Variants in RGSL1 observed in about 807,000 individuals in gnomAD.
RGSL1 encodes the protein regulator of G protein signaling protein-like.
A neutral mutation model predicts 124.7 loss-of-function variants in RGSL1; 97 were observed. The ratio of observed to expected loss-of-function variants is 0.78; its 90% confidence interval spans 0.66 to 0.92. RGSL1 has a LOEUF of 0.92. RGSL1 is among the 40% of genes least tolerant of loss of function. The pLI, the probability that RGSL1 is intolerant of heterozygous loss-of-function variation, is 0.00. For synonymous variants in RGSL1, 424 were observed against 438.1 expected, an observed-to-expected ratio of 0.97 and a Z score of 0.40; for missense variants, 1,233 against 1,288.4, an observed-to-expected ratio of 0.96 and a Z score of 0.66.
chr1:182,477,720 C>T (rs1654405577), intron 6 of RGSL1, among the ~76,000 whole-genome samples: 2 of 152,218 alleles, frequency 1.3e-5, no homozygotes, highest in South Asian at 4.1e-4. Context: ...CAGCTTCACC[C>T]ACCCATAGAC....
chr1:182,526,354 A>C (rs1571655746), intron 10 of RGSL1, among the ~76,000 whole-genome samples: 1 of 152,156 alleles, frequency 6.6e-6, no homozygotes, highest in East Asian at 1.9e-4. Context: ...ATATTAGCAA[A>C]TCAAATCCAG....
At chr1:182,455,255 G>A (rs900204652) in intron 2 of RGSL1, among the ~76,000 whole-genome samples, 1 of 152,168 alleles carries the variant, frequency 6.6e-6, no homozygotes, top group African/African-American at 2.4e-5. Flanking sequence ...CAGGTAACTG[G>A]AAGCAGAAGG....
intron 14 of RGSL1, among the ~76,000 whole-genome samples, chr1:182,535,615 G>A (rs1659485125): frequency 6.6e-6 from 1 of 152,040 alleles, no homozygotes; most frequent in African/African-American, 2.4e-5. Context: ...CACCAAATAT[G>A]GCATAGTGCC....
chr1:182,451,849 C>T (rs1266152280), intron 1 of RGSL1, among the ~76,000 whole-genome samples: 1 of 151,544 alleles, frequency 6.6e-6, no homozygotes, highest in Non-Finnish European at 1.5e-5. Context: ...GGTGAGAGAG[C>T]ATAGAGGCCT....
At chr1:182,472,589 T>G (rs771867560) in intron 5 of RGSL1, 32 bp downstream of exon 5, 25 of 1,483,980 alleles carry the variant, frequency 1.7e-5, no homozygotes, top group Non-Finnish European at 2.1e-5. Flanking sequence ...TTTGGGGGGA[T>G]GCAACAAAAA....
chr1:182,477,428 G>A (rs1363881467), intron 6 of RGSL1, among the ~76,000 whole-genome samples: 1 of 152,130 alleles, frequency 6.6e-6, no homozygotes. Context: ...TTGCTCAACT[G>A]CAGTCACAGA....
chr1:182,484,674 C>T (rs1213554511), intron 6 of RGSL1, among the ~76,000 whole-genome samples: 1 of 152,206 alleles, frequency 6.6e-6, no homozygotes, highest in Admixed American at 6.5e-5. Flanking sequence ...CCCCTAGGGG[C>T]AGGGTGCAGG....
intron 4 of RGSL1, among the ~76,000 whole-genome samples, chr1:182,463,518 A>C (rs1653024750): frequency 6.6e-6 from 1 of 152,158 alleles, no homozygotes; most frequent in Admixed American, 6.5e-5. Context: ...TAATGATATC[A>C]GACAAAATAG....
At position 182,512,787 on chromosome 1, in the gene RGSL1, G is replaced by C. The variant is rs141422886; in HGVS notation, c.1826-9217G>C. On this transcript the variant is annotated intron_variant, in intron 9 of 21. Coordinates refer to ENST00000294854, the MANE Select transcript of RGSL1 (RefSeq NM_001137669.2). ...GGTGGCTCTCAGCAGAATGGATGCG[G>C]AGCTGAAAAAGGGATGGAGTGGGGA... is the stretch of plus-strand genomic sequence containing the variant. 6.5e-3 allele frequency among the ~76,000 whole-genome samples: 989 copies of C among 152,298 alleles called. 12 individuals are homozygous for C. The highest frequency in any genetic ancestry group is 0.022 in the African/African-American group (915 of 41,562).
At chr1:182,475,989 G>T in intron 6 of RGSL1, among the ~76,000 whole-genome samples, 1 of 152,176 alleles carries the variant, frequency 6.6e-6, no homozygotes, top group East Asian at 1.9e-4. Flanking sequence ...GAGTCACACA[G>T]AGAGTAAGTG....
intron 8 of RGSL1, 28 bp downstream of exon 8, chr1:182,489,230 A>C (rs1253978123): frequency 6.6e-7 from 1 of 1,516,094 alleles, no homozygotes; most frequent in East Asian, 2.5e-5. Flanking sequence ...AATTTTTTTG[A>C]CCTTTACATA....
rs539870162 is a variant in RGSL1 at position 182,533,311 on chromosome 1, T to G, written c.2494+520T>G. Reference sequence around the variant, plus strand: ...TAACTTGCTTCTTTTTTTTTTTTTTTTTGTTCAACAATGTATCTTGGACAT... The same window carrying G: ...TAACTTGCTTCTTTTTTTTTTTTTTGTTGTTCAACAATGTATCTTGGACAT... On this transcript the variant is annotated intron_variant, in intron 14 of 21. Coordinates refer to ENST00000294854, the MANE Select transcript of RGSL1 (RefSeq NM_001137669.2). Among the ~76,000 whole-genome samples, 3 of 151,984 alleles carry G rather than the reference T, an allele frequency of 2.0e-5. No homozygotes were observed. In the South Asian group the frequency reaches 6.2e-4, roughly 32 times the overall value.
Position 182,550,896 on chromosome 1 carries a change from C to T in RGSL1, c.2934-204C>T, listed in dbSNP as rs1023039849. On this transcript the variant is annotated intron_variant, in intron 17 of 21. Coordinates refer to ENST00000294854, the MANE Select transcript of RGSL1 (RefSeq NM_001137669.2). ...CAACAAACTGCCCATGCCAGGCCCGCGCTGGAGCCAGGTCTGGACAAAGAG... is the reference window on the plus strand; with the variant it reads ...CAACAAACTGCCCATGCCAGGCCCGTGCTGGAGCCAGGTCTGGACAAAGAG... The T allele has an allele frequency of 8.3e-5, 47 of 563,594 alleles. 1 individual carries two copies. Among genetic ancestry groups the T allele is most frequent in the South Asian group, 2.2e-4 (9 of 40,660 alleles). The allele number at this position is 563,594 out of a possible 1,614,324, so 34.9% of individuals were successfully genotyped here.
rs1656494586 is a variant in RGSL1 at position 182,502,791 on chromosome 1, GT to G, written c.1825+9666del. ...ATGTTTTGAGCTAAAGGAAATTAAT[GT>G]TTTAATATACGCATTTGTAGGTTTC... On this transcript the variant is annotated intron_variant, in intron 9 of 21. Coordinates refer to ENST00000294854, the MANE Select transcript of RGSL1 (RefSeq NM_001137669.2). Among the ~76,000 whole-genome samples the G allele has an allele frequency of 3.3e-5, 5 of 150,704 alleles. No homozygotes were observed. The South Asian group carries it at 1.0e-3, about 31-fold the overall frequency.
chr1:182,505,331 T>C (rs1656733306), intron 9 of RGSL1, among the ~76,000 whole-genome samples: 1 of 152,172 alleles, frequency 6.6e-6, no homozygotes, highest in Non-Finnish European at 1.5e-5. Context: ...CAACCTGCAT[T>C]ACAATATGGG....
rs751578397 is a variant in RGSL1 at position 182,488,346 on chromosome 1, C to T, written c.1493C>T (p.Thr498Met). ...DEEDYWFLLF[T>M]TQNRFISSRQ... is the part of the protein sequence containing the mutation. Reference sequence around the variant, plus strand: ...GAGGACTACTGGTTTCTCCTTTTTACGGTAGGAAGGACTTTGGGTTAGGAA... The same window carrying T: ...GAGGACTACTGGTTTCTCCTTTTTATGGTAGGAAGGACTTTGGGTTAGGAA... The change falls in exon 7 of 22, where the codon ACG becomes ATG. Residue 498 changes from threonine (T) to methionine (M), a missense_variant and splice_region_variant. Thr to Met is a moderately conservative substitution (Grantham distance 81). Transcript: ENST00000294854. The T allele has an allele frequency of 3.0e-5, 46 of 1,551,866 alleles. No individual in the cohort carries two copies. The highest frequency in any genetic ancestry group is 3.6e-5 in the Non-Finnish European group (41 of 1,146,934).
At chr1:182,532,911 A>AT (rs2102276112) in intron 14 of RGSL1, 120 bp downstream of exon 14, 1 of 1,127,388 alleles carries the variant, frequency 8.9e-7, no homozygotes, top group East Asian at 2.8e-5. Flanking sequence ...TAGCAAAAAA[A>AT]CCCAGGTCCT....
Position 182,488,322 on chromosome 1 carries a change from A to T in RGSL1, c.1469A>T (p.Glu490Val). ...SPWYDEFLDE[E>V]DYWFLLFTTQ... ...TGGTATGATGAGTTTCTAGATGAAG[A>T]GGACTACTGGTTTCTCCTTTTTACG... Residue 490 changes from glutamate to valine, a missense_variant, in exon 7 of 22, where the codon GAG (glutamate) becomes GTG (valine). Transcript: ENST00000294854. The T allele has an allele frequency of 6.4e-7, 1 of 1,552,344 alleles. No homozygotes were observed. Among genetic ancestry groups the T allele is most frequent in the Non-Finnish European group, 8.7e-7 (1 of 1,147,128 alleles).
intron 14 of RGSL1, among the ~76,000 whole-genome samples, chr1:182,536,711 C>T (rs911959763): frequency 1.3e-5 from 2 of 152,150 alleles, no homozygotes; most frequent in Non-Finnish European, 2.9e-5. Context: ...CTAGGAGGAG[C>T]AAGCCACATC....
Sources: gnomAD v4.1 joint callset for allele counts (sites outside exome capture counted in the v4.1 genomes callset) on GRCh38, gnomAD v4.1.1 for gene constraint, MANE v1.5 for transcripts, NCBI Gene and HGNC (gene_info 2026-07-23, HGNC 2026-07-21) for gene names.